Variants in LDLRAD4 observed in about 807,000 individuals in gnomAD.
LDLRAD4 encodes the protein low density lipoprotein receptor class A domain containing 4.
Under a neutral mutation model 17.0 loss-of-function variants are expected in LDLRAD4, and 5 were observed. The ratio of observed to expected loss-of-function variants is 0.29; its 90% CI spans 0.15 to 0.62. LDLRAD4 has a LOEUF of 0.62. Among genes scored for constraint, LDLRAD4 ranks in the 20% least tolerant of loss-of-function variants. The pLI, the probability that LDLRAD4 is intolerant of heterozygous loss-of-function variation, is 0.84. For synonymous variants in LDLRAD4, 168 were observed against 171.8 expected, an observed-to-expected ratio of 0.98 and a Z score of 0.17; for missense variants, 340 against 424.7, an observed-to-expected ratio of 0.80 and a Z score of 1.75.
At chr18:13,612,730 G>A (rs1368247608) in intron 3 of LDLRAD4, 1 of 1,613,718 alleles carries the variant, frequency 6.2e-7, no homozygotes, top group East Asian at 2.2e-5. Context: ...CTGAACAACA[G>A]CACACTGAAG....
At chr18:13,568,931 C>T (rs2094644861) in intron 3 of LDLRAD4, among the ~76,000 whole-genome samples, 1 of 152,196 alleles carries the variant, frequency 6.6e-6, no homozygotes, top group Non-Finnish European at 1.5e-5. Context: ...CCCACCTTCA[C>T]CAATCCCTTG....
intron 3 of LDLRAD4, among the ~76,000 whole-genome samples, chr18:13,579,099 A>G (rs2094820239): frequency 6.6e-6 from 1 of 152,010 alleles, no homozygotes; most frequent in Non-Finnish European, 1.5e-5. Context: ...CTGAGGCAGG[A>G]GAATTGCTTG....
intron 3 of LDLRAD4, chr18:13,542,309 T>C (rs1229638813): frequency 6.6e-6 from 1 of 152,274 alleles, no homozygotes; most frequent in Non-Finnish European, 1.5e-5. Context: ...GATCACAGTC[T>C]GGCGCCATCT....
chr18:13,550,107 G>A (rs1224555252), intron 3 of LDLRAD4, among the ~76,000 whole-genome samples: 3 of 152,188 alleles, frequency 2.0e-5, no homozygotes, highest in Non-Finnish European at 4.4e-5. Flanking sequence ...CTACAAGGGG[G>A]CAATGGGCTT....
chr18:13,220,697 G>C (rs1202305406), intron 1 of LDLRAD4, among the ~76,000 whole-genome samples: 1 of 152,226 alleles, frequency 6.6e-6, no homozygotes, highest in Non-Finnish European at 1.5e-5. Flanking sequence ...GTTTGGGACT[G>C]TGCTGTAGTC....
At chr18:13,261,669 G>A (rs549785503) in intron 1 of LDLRAD4, among the ~76,000 whole-genome samples, 1 of 152,354 alleles carries the variant, frequency 6.6e-6, no homozygotes, top group Non-Finnish European at 1.5e-5. Flanking sequence ...ATTAGAAAGT[G>A]CAGTCTTTCT....
chr18:13,293,377 A>G (rs1260458153), intron 1 of LDLRAD4, among the ~76,000 whole-genome samples: 1 of 152,152 alleles, frequency 6.6e-6, no homozygotes, highest in Non-Finnish European at 1.5e-5. Context: ...TTTGACTGTG[A>G]TTATTTTATG....
intron 1 of LDLRAD4, among the ~76,000 whole-genome samples, chr18:13,345,891 G>A (rs556798742): frequency 4.0e-4 from 61 of 152,232 alleles, no homozygotes; most frequent in African/African-American, 1.4e-3. Context: ...ATTCTCTGAT[G>A]GTAGTTTGTA....
In LDLRAD4 at chr18:13,645,520, C is replaced by G; in HGVS notation, c.784C>G (p.His262Asp). 6.2e-7 allele frequency: 1 copy of G among 1,610,870 alleles called. No individual in the cohort carries two copies. The highest frequency in any genetic ancestry group is 8.5e-7 in the Non-Finnish European group (1 of 1,178,622). The change falls in exon 6 of 6, where the codon CAC becomes GAC. Residue 262 changes from histidine to aspartate, a missense_variant. Coordinates refer to ENST00000359446, the Ensembl canonical transcript of LDLRAD4. The surrounding 1 kb of genome is among the most constrained non-coding windows in gnomAD (Gnocchi z 5.7). Reference sequence around the variant, plus strand: ...CACATACAGCGAGGTGATGGGCCACCACCCAGGCGCCTCTTTCCTCCATCA... The same window carrying G: ...CACATACAGCGAGGTGATGGGCCACGACCCAGGCGCCTCTTTCCTCCATCA...
intron 3 of LDLRAD4, among the ~76,000 whole-genome samples, chr18:13,499,158 G>A (rs1168242697): frequency 1.4e-4 from 18 of 130,328 alleles, no homozygotes; most frequent in African/African-American, 3.9e-4. Context: ...TCACACACAC[G>A]TCGCGCCGTG....
At chr18:13,565,969 G>GC (rs2094595919) in intron 3 of LDLRAD4, among the ~76,000 whole-genome samples, 1 of 152,244 alleles carries the variant, frequency 6.6e-6, no homozygotes, top group African/African-American at 2.4e-5. Flanking sequence ...GCTGCTCCAA[G>GC]GCACGCCATT....
rs1032513482 is a variant in LDLRAD4 at position 13,284,257 on chromosome 18, G to C, written c.-383+6069G>C. 2.0e-5 allele frequency among the ~76,000 whole-genome samples: 3 copies of C among 152,272 alleles called. No homozygotes were observed. In the South Asian group the frequency reaches 6.2e-4, roughly 32 times the overall value. Reference sequence around the variant, plus strand: ...GTGGGAACACCACTTTCAGAGGTGGGAAAGAGAAACTTACCACCTCTGCCA... The same window carrying C: ...GTGGGAACACCACTTTCAGAGGTGGCAAAGAGAAACTTACCACCTCTGCCA... On this transcript the variant is annotated intron_variant, in intron 1 of 5. Transcript: ENST00000359446.
intron 1 of LDLRAD4, among the ~76,000 whole-genome samples, chr18:13,346,617 A>G (rs528447019): frequency 6.6e-6 from 1 of 152,270 alleles, no homozygotes; most frequent in South Asian, 2.1e-4. Flanking sequence ...GCTGAGTTCA[A>G]TTCCTGGACA....
At chr18:13,509,188 C>T (rs9958308) in intron 3 of LDLRAD4, among the ~76,000 whole-genome samples, 56,974 of 151,804 alleles carry the variant, frequency 0.38, 11,699 homozygotes, top group Middle Eastern at 0.56. Context: ...ATGGTGTGCA[C>T]CTATGGTGCC....
At chr18:13,449,985 G>C (rs769189266) in intron 3 of LDLRAD4, among the ~76,000 whole-genome samples, 3 of 152,138 alleles carry the variant, frequency 2.0e-5, no homozygotes, top group South Asian at 4.1e-4. Context: ...TTGACTTCAC[G>C]TGACTTTTTG....
At chr18:13,401,298 T>C (rs915254781) in intron 2 of LDLRAD4, among the ~76,000 whole-genome samples, 1 of 151,958 alleles carries the variant, frequency 6.6e-6, no homozygotes, top group Non-Finnish European at 1.5e-5. Context: ...TGGGTAAGAC[T>C]GTCAGTTTTG....
chr18:13,263,989 A>G (rs942887852), intron 1 of LDLRAD4, among the ~76,000 whole-genome samples: 7 of 152,182 alleles, frequency 4.6e-5, no homozygotes, highest in African/African-American at 1.4e-4. Flanking sequence ...TAAAGAAAAA[A>G]AAAAGAATTT....
At chr18:13,443,708 G>T (rs530375669) in intron 3 of LDLRAD4, among the ~76,000 whole-genome samples, 1 of 146,326 alleles carries the variant, frequency 6.8e-6, no homozygotes. Context: ...CGTCGTCGTC[G>T]TCTCCTCCTC....
chr18:13,368,525 A>G (rs2084236286), intron 1 of LDLRAD4, among the ~76,000 whole-genome samples: 1 of 152,172 alleles, frequency 6.6e-6, no homozygotes, highest in Non-Finnish European at 1.5e-5. Context: ...CAGCTTTCCC[A>G]CCGAAAGCAA....
Sources: gnomAD v4.1 joint callset for allele counts (sites outside exome capture counted in the v4.1 genomes callset) on GRCh38, gnomAD v4.1.1 for gene constraint, Gnocchi (gnomAD v3.1) non-coding constraint, MANE v1.5 for transcripts, NCBI Gene and HGNC (gene_info 2026-07-23, HGNC 2026-07-21) for gene names.